PLEKHA7: variants seen among roughly 807,000 people sequenced by gnomAD.
PLEKHA7 encodes the protein pleckstrin homology domain-containing family A member 7.
PLEKHA7 carries 104 observed loss-of-function variants against 170.0 expected under a neutral mutation model. That is an observed-to-expected ratio of 0.61 (90% CI 0.52 to 0.72). The LOEUF is 0.72. Among genes scored for constraint, PLEKHA7 ranks in the 30% least tolerant of loss-of-function variants. The probability of loss-of-function intolerance (pLI) is 0.00; values close to 1 mark genes in which losing one functional copy is unlikely to be tolerated. For synonymous variants in PLEKHA7, 648 were observed against 660.8 expected, an observed-to-expected ratio of 0.98 and a Z score of 0.30; for missense variants, 1,615 against 1,671.7, an observed-to-expected ratio of 0.97 and a Z score of 0.59.
intron 3 of PLEKHA7, among the ~76,000 whole-genome samples, chr11:16,911,326 G>A (rs1022538402): frequency 2.6e-5 from 4 of 152,172 alleles, no homozygotes; most frequent in African/African-American, 9.7e-5. Context: ...GAGCAGGCCA[G>A]CCATGAGACA....
chr11:16,944,117 G>T (rs1165672085), intron 3 of PLEKHA7, among the ~76,000 whole-genome samples: 4 of 152,070 alleles, frequency 2.6e-5, no homozygotes, highest in African/African-American at 9.7e-5. Flanking sequence ...ACTTTCGGAG[G>T]CCAAGGTGGG....
At chr11:17,008,447 C>T (rs994484399) in intron 3 of PLEKHA7, among the ~76,000 whole-genome samples, 16 of 152,220 alleles carry the variant, frequency 1.1e-4, no homozygotes, top group Admixed American at 7.8e-4. Context: ...CAACAGCAAG[C>T]GACTGTATCC....
chr11:16,878,922 G>A (rs778486897), intron 3 of PLEKHA7, among the ~76,000 whole-genome samples: 2 of 152,070 alleles, frequency 1.3e-5, no homozygotes, highest in Non-Finnish European at 1.5e-5. Flanking sequence ...TTCATCCTTG[G>A]CTCTCCTGAA....
intron 3 of PLEKHA7, among the ~76,000 whole-genome samples, chr11:16,907,531 CCCAGCCAGCCGCCCCGT>C: frequency 8.4e-6 from 1 of 118,522 alleles, no homozygotes; most frequent in Admixed American, 7.8e-5. Context: ...CAGCCCCCCG[CCCAGCCAGCCGCCCCGT>C]CCGGGAGGGA....
At chr11:16,947,927 A>G (rs956878466) in intron 3 of PLEKHA7, among the ~76,000 whole-genome samples, 2 of 150,856 alleles carry the variant, frequency 1.3e-5, no homozygotes, top group East Asian at 1.9e-4. Context: ...AAAAAAAAAA[A>G]AAAAAGAAAA....
intron 23 of PLEKHA7, chr11:16,786,692 CCAA>C: frequency 1.0e-6 from 1 of 985,378 alleles, no homozygotes; most frequent in Non-Finnish European, 1.2e-6. Flanking sequence ...AGGGTGACCT[CCAA>C]ACAACTTGGG....
chr11:16,859,657 G>T (rs964000030), intron 4 of PLEKHA7, among the ~76,000 whole-genome samples: 7 of 152,206 alleles, frequency 4.6e-5, no homozygotes, highest in African/African-American at 1.7e-4. Flanking sequence ...GAGCCTGGTG[G>T]GGCAGACAAT....
At chr11:16,919,842 G>A (rs980914152) in intron 3 of PLEKHA7, among the ~76,000 whole-genome samples, 2 of 152,148 alleles carry the variant, frequency 1.3e-5, no homozygotes, top group African/African-American at 2.4e-5. Context: ...CAGAGAGAGA[G>A]AAAGGATGAG....
rs1479493604 is a variant in PLEKHA7 at position 16,816,231 on chromosome 11, A to T, written c.1900T>A (p.Ser634Thr). ...SSHVDRRSMP[S>T]MGYMTHTVSA... ...ACGGTGTGGGTCATGTAACCCATGG[A>T]GGGCATGGAGCGTCGGTCCACATGA... is the stretch of plus-strand genomic sequence containing the variant. Residue 634 changes from serine (S) to threonine (T), a missense_variant, in exon 12 of 27, where the codon TCC (serine) becomes ACC (threonine). Ser to Thr is a moderately conservative substitution (Grantham distance 58). Transcript: ENST00000531066. 8 of 1,613,902 alleles carry T rather than the reference A, an allele frequency of 5.0e-6. No individual in the cohort carries two copies. The South Asian group carries it at 8.8e-5, about 18-fold the overall frequency.
intron 3 of PLEKHA7, among the ~76,000 whole-genome samples, chr11:16,970,398 C>T (rs1282244290): frequency 1.3e-5 from 2 of 152,140 alleles, no homozygotes; most frequent in Non-Finnish European, 2.9e-5. Flanking sequence ...GTGGCTCACT[C>T]CTGTAATCCC....
At chr11:16,891,002 G>C (rs1856571177) in intron 3 of PLEKHA7, among the ~76,000 whole-genome samples, 1 of 152,030 alleles carries the variant, frequency 6.6e-6, no homozygotes, top group Non-Finnish European at 1.5e-5. Context: ...CTGGGCTCAA[G>C]TGATCATCCT....
chr11:16,890,343 T>C (rs959869588), intron 3 of PLEKHA7, among the ~76,000 whole-genome samples: 2 of 152,102 alleles, frequency 1.3e-5, no homozygotes, highest in African/African-American at 4.8e-5. Flanking sequence ...TCCTAAAAGA[T>C]ACAGGCTGGT....
At chr11:16,980,062 C>T (rs1863331480) in intron 3 of PLEKHA7, among the ~76,000 whole-genome samples, 1 of 152,172 alleles carries the variant, frequency 6.6e-6, no homozygotes, top group Non-Finnish European at 1.5e-5. Context: ...ACAGGAAGTG[C>T]AAGGCAGAAC....
intron 3 of PLEKHA7, among the ~76,000 whole-genome samples, chr11:16,998,627 A>C (rs1429453363): frequency 6.6e-6 from 1 of 152,164 alleles, no homozygotes; most frequent in Non-Finnish European, 1.5e-5. Context: ...TCAGGTGAGA[A>C]GGGCTGGAAA....
intron 3 of PLEKHA7, among the ~76,000 whole-genome samples, chr11:16,917,075 C>T (rs1425626435): frequency 1.3e-5 from 2 of 152,016 alleles, no homozygotes; most frequent in Admixed American, 6.6e-5. Flanking sequence ...AAAAATTAGC[C>T]GGGCTTGGTG....
At chr11:16,822,835 A>G (rs1850344942) in intron 10 of PLEKHA7, among the ~76,000 whole-genome samples, 1 of 152,166 alleles carries the variant, frequency 6.6e-6, no homozygotes, top group Admixed American at 6.5e-5. Flanking sequence ...CCAGGCTGCA[A>G]CCCAGACCAA....
At chr11:17,004,034 A>T (rs915318487) in intron 3 of PLEKHA7, among the ~76,000 whole-genome samples, 2 of 152,232 alleles carry the variant, frequency 1.3e-5, no homozygotes, top group African/African-American at 4.8e-5. Flanking sequence ...AACAGGGGGA[A>T]CTCGCATTCC....
At chr11:16,820,532 G>A (rs1850130391) in intron 10 of PLEKHA7, among the ~76,000 whole-genome samples, 1 of 152,222 alleles carries the variant, frequency 6.6e-6, no homozygotes, top group African/African-American at 2.4e-5. Flanking sequence ...GGCAGTGCCT[G>A]AATCCTCAAA....
intron 3 of PLEKHA7, among the ~76,000 whole-genome samples, chr11:16,977,687 G>C (rs923973439): frequency 1.3e-5 from 2 of 152,068 alleles, no homozygotes; most frequent in African/African-American, 4.8e-5. Flanking sequence ...CATCATCCCA[G>C]TGCCAAACCT....
Sources: gnomAD v4.1 joint callset for allele counts (sites outside exome capture counted in the v4.1 genomes callset) on GRCh38, gnomAD v4.1.1 for gene constraint, MANE v1.5 for transcripts, NCBI Gene and HGNC (gene_info 2026-07-23, HGNC 2026-07-21) for gene names.